Variants in DHX15 observed in about 807,000 individuals in gnomAD.
DHX15 encodes the protein DEAH-box helicase 15.
A neutral mutation model predicts 94.4 loss-of-function variants in DHX15; 11 were observed. The ratio of observed to expected loss-of-function variants is 0.12; its 90% CI spans 0.07 to 0.19. The LOEUF (loss-of-function observed/expected upper bound fraction) is 0.19. Ranked by LOEUF, DHX15 falls within the 10% of genes least tolerant of loss-of-function variation. The probability of loss-of-function intolerance (pLI) is 1.00; values close to 1 mark genes in which losing one functional copy is unlikely to be tolerated. For synonymous variants in DHX15, 338 were observed against 329.9 expected, an observed-to-expected ratio of 1.02 and a Z score of -0.27; for missense variants, 304 against 988.5, an observed-to-expected ratio of 0.31 and a Z score of 9.29.
chr4:24,556,441 T>C, intron 3 of DHX15, 31 bp from the exon 4 acceptor site: 12 of 1,554,100 alleles, frequency 7.7e-6, no homozygotes, highest in Non-Finnish European at 1.0e-5. Flanking sequence ...TGGTTAAAGG[T>C]TCCGTTAGGT....
At chr4:24,573,777 T>A (rs559400355) in intron 2 of DHX15, among the ~76,000 whole-genome samples, 1 of 152,330 alleles carries the variant, frequency 6.6e-6, no homozygotes, top group South Asian at 2.1e-4. Context: ...CTGCATTCCC[T>A]TAGCTCAACA....
rs573256744 is a variant in DHX15 at position 24,581,678 on chromosome 4, A to G, written c.71+2645T>C. On this transcript the variant is annotated intron_variant, in intron 1 of 13. Coordinates refer to ENST00000336812, the MANE Select transcript of DHX15 (RefSeq NM_001358.3). ...ATTAATACATTAGCTTTACTTTCCCATAATTAACAGAAAAAACTCTTATCA... is the reference window on the plus strand; with the variant it reads ...ATTAATACATTAGCTTTACTTTCCCGTAATTAACAGAAAAAACTCTTATCA... Among the ~76,000 whole-genome samples, 6 of 152,318 alleles carry G rather than the reference A, an allele frequency of 3.9e-5. No homozygotes were observed. The East Asian group carries it at 9.6e-4, about 24-fold the overall frequency.
intron 6 of DHX15, among the ~76,000 whole-genome samples, chr4:24,545,389 AGT>A (rs1318069406): frequency 6.6e-6 from 1 of 152,206 alleles, no homozygotes; most frequent in African/African-American, 2.4e-5. Context: ...TGTCTGGGTG[AGT>A]GTATTAAATT....
chr4:24,529,553 T>C lies in DHX15; in HGVS notation c.2270+48A>G, dbSNP rs144145498. ...ACTCTAGCAACAGTCAGGTTCCATT[T>C]TGAGCAAAGTACTAACAAAAAACTG... On this transcript the variant is annotated intron_variant, in intron 13 of 13. Transcript: ENST00000336812. The C allele has an allele frequency of 4.9e-5, 76 of 1,561,654 alleles. No homozygotes were observed. In the East Asian group the frequency reaches 8.8e-4, roughly 18 times the overall value.
Position 24,556,416 on chromosome 4 carries a change from T to C in DHX15, c.702-6A>G, listed in dbSNP as rs1193423375. 9 of 1,602,070 alleles carry C rather than the reference T, an allele frequency of 5.6e-6. No individual in the cohort carries two copies. Among genetic ancestry groups the C allele is most frequent in the South Asian group, 4.5e-5 (4 of 88,560 alleles). ...ACATCCCATCAGTCATATACCTATA[T>C]TCCAAAGAACATGTTGGTTAAAGGT... On this transcript the variant is annotated splice_region_variant and splice_polypyrimidine_tract_variant and intron_variant, in intron 3 of 13. Transcript: ENST00000336812.
At chr4:24,561,467 T>C (rs929597408) in intron 3 of DHX15, among the ~76,000 whole-genome samples, 2 of 152,150 alleles carry the variant, frequency 1.3e-5, no homozygotes, top group African/African-American at 4.8e-5. Context: ...GTATACAGAA[T>C]ATAAACCCTT....
At chr4:24,576,003 C>G (rs556229666) in intron 2 of DHX15, among the ~76,000 whole-genome samples, 12 of 152,126 alleles carry the variant, frequency 7.9e-5, no homozygotes, top group Non-Finnish European at 1.5e-4. Context: ...AATACCTCTG[C>G]CATACATAAG....
rs763809775 is a variant in DHX15 at position 24,527,915 on chromosome 4, G to A, written c.*9C>T. On this transcript the variant is annotated 3_prime_UTR_variant, in exon 14 of 14. Transcript: ENST00000336812. ...GTCCTCTCAATAACTTCAGTTCTAA[G>A]CACTGAATTCAGTACTGTGAATATT... 10 of 1,585,686 alleles carry A rather than the reference G, an allele frequency of 6.3e-6. No homozygotes were observed. The highest frequency in any genetic ancestry group is 7.8e-6 in the Non-Finnish European group (9 of 1,154,330).
In DHX15 at chr4:24,541,863, T is replaced by C. The variant is rs1048546343; in HGVS notation, c.1485+10A>G. 5 of 1,552,948 alleles carry C rather than the reference T, an allele frequency of 3.2e-6. No individual in the cohort carries two copies. The Admixed American group carries it at 9.2e-5, about 29-fold the overall frequency. ...TAAACATATCGGCAGGAAACGACAA[T>C]ACCCCATACCTGCATTTCTGTTTTA... On this transcript the variant is annotated intron_variant, in intron 8 of 13. Coordinates refer to ENST00000336812, the MANE Select transcript of DHX15 (RefSeq NM_001358.3).
chr4:24,551,869 C>G (rs915142540), intron 5 of DHX15, among the ~76,000 whole-genome samples: 1 of 152,124 alleles, frequency 6.6e-6, no homozygotes, highest in Non-Finnish European at 1.5e-5. Context: ...TTAAATTAGA[C>G]ATTTGCTTTG....
intron 1 of DHX15, among the ~76,000 whole-genome samples, chr4:24,581,810 G>C (rs80122205): frequency 1.3e-5 from 2 of 152,104 alleles, no homozygotes; most frequent in Non-Finnish European, 2.9e-5. Context: ...TTCGGTAATT[G>C]TATAGTGAAG....
chr4:24,584,453 G>A lies in DHX15; in HGVS notation c.-60C>T, dbSNP rs1722561480. On this transcript the variant is annotated 5_prime_UTR_variant, in exon 1 of 14. Coordinates refer to ENST00000336812, the MANE Select transcript of DHX15 (RefSeq NM_001358.3). The stretch of plus-strand genomic sequence containing the variant: ...GAAAGCTGGCTGCTGTATGGGCACA[G>A]TCGAGGACAGCCACTTAACTCTGGA... 3 of 1,518,968 alleles carry A rather than the reference G, an allele frequency of 2.0e-6. No individual in the cohort carries two copies. Among genetic ancestry groups the A allele is most frequent in the Admixed American group, 1.8e-5 (1 of 54,156 alleles). The allele number at this position is 1,518,968 out of a possible 1,614,324, so 94.1% of individuals were successfully genotyped here. A position where few individuals can be genotyped will look rare whatever the true frequency, so the allele number is the denominator to read the frequency against.
At chr4:24,548,181 C>G (rs930976153) in intron 6 of DHX15, among the ~76,000 whole-genome samples, 1 of 133,480 alleles carries the variant, frequency 7.5e-6, no homozygotes. Flanking sequence ...GTCGCGCTGT[C>G]GCCCAGGCTG....
Position 24,537,378 on chromosome 4 carries a change from T to A in DHX15, c.1787-205A>T, listed in dbSNP as rs1387673494. 2.0e-6 allele frequency: 1 copy of A among 510,990 alleles called. No homozygotes were observed. Among genetic ancestry groups the A allele is most frequent in the Non-Finnish European group, 3.3e-6 (1 of 300,628 alleles). The allele number at this position is 510,990 out of a possible 1,614,324, so 31.7% of individuals were successfully genotyped here. On this transcript the variant is annotated intron_variant, in intron 10 of 13. Transcript: ENST00000336812. The surrounding 1 kb of genome is among the most constrained non-coding windows in gnomAD (Gnocchi z 4.7). ...CTGTAAGACAAGAGGGTTTCAAAGC[T>A]ACAGAGTACCTGATTATTTTAACTA... is the stretch of plus-strand genomic sequence containing the variant.
intron 4 of DHX15, among the ~76,000 whole-genome samples, chr4:24,555,256 T>C (rs1366878550): frequency 1.3e-5 from 2 of 151,862 alleles, no homozygotes; most frequent in Admixed American, 6.6e-5. Flanking sequence ...AGTATAATTA[T>C]TGCTACCATT....
At chr4:24,532,681 T>C (rs1044630946) in intron 12 of DHX15, among the ~76,000 whole-genome samples, 183 bp downstream of exon 12, 3 of 152,212 alleles carry the variant, frequency 2.0e-5, no homozygotes, top group Admixed American at 2.0e-4. Context: ...TTGTTACTCA[T>C]TAAATACTTA....
At chr4:24,568,069 C>T (rs1158441767) in intron 3 of DHX15, among the ~76,000 whole-genome samples, 1 of 151,988 alleles carries the variant, frequency 6.6e-6, no homozygotes, top group Non-Finnish European at 1.5e-5. Flanking sequence ...TCTTATAGAC[C>T]CTTAATCTAT....
At position 24,570,725 on chromosome 4, in the gene DHX15, A is replaced by G. The variant is rs1254869644; in HGVS notation, c.630T>C (p.Asp210=). The change falls in exon 3 of 14, where the codon GAT becomes GAC. Residue 210 remains aspartate, a synonymous_variant. Transcript: ENST00000336812. ...SVAQRVADEM[D]VMLGQEVGYS... ...AACCAACTTCCTGGCCCAACATCACATCCATCTCATCAGCAACTCTCTGAG... is the reference window on the plus strand; with the variant it reads ...AACCAACTTCCTGGCCCAACATCACGTCCATCTCATCAGCAACTCTCTGAG... 1 of 1,614,086 alleles carries G rather than the reference A, an allele frequency of 6.2e-7. No individual in the cohort carries two copies. Among genetic ancestry groups the G allele is most frequent in the Non-Finnish European group, 8.5e-7 (1 of 1,180,032 alleles).
intron 6 of DHX15, among the ~76,000 whole-genome samples, chr4:24,546,401 T>C (rs1270307874): frequency 2.6e-5 from 4 of 152,194 alleles, no homozygotes; most frequent in African/African-American, 9.6e-5. Flanking sequence ...ATTTAAAAAA[T>C]AATTATAGTT....
Sources: gnomAD v4.1 joint callset for allele counts (sites outside exome capture counted in the v4.1 genomes callset) on GRCh38, gnomAD v4.1.1 for gene constraint, Gnocchi (gnomAD v3.1) non-coding constraint, MANE v1.5 for transcripts, NCBI Gene and HGNC (gene_info 2026-07-23, HGNC 2026-07-21) for gene names.